ZFHX3: variants seen among roughly 807,000 people sequenced by gnomAD.
ZFHX3 encodes zinc finger homeobox 3, also known as zinc finger homeobox protein 3.
A neutral mutation model predicts 279.1 loss-of-function variants in ZFHX3; 42 were observed. The observed-to-expected ratio is 0.15, with a 90% confidence interval of 0.12 to 0.19. ZFHX3 has a LOEUF of 0.19. Ranked by LOEUF, ZFHX3 falls within the 10% of genes least tolerant of loss-of-function variation. The pLI is 1.00. For missense variants in ZFHX3, 4,981 were observed against 4,754.0 expected (o/e 1.05, Z -1.40); for synonymous variants, 2,293 against 1,957.8 (o/e 1.17, Z -4.52).
chr16:73,314,685 G>T (rs1438448949), intron 4 of ZFHX3, among the ~76,000 whole-genome samples: 1 of 152,180 alleles, frequency 6.6e-6, no homozygotes, highest in Non-Finnish European at 1.5e-5. Context: ...ACATCCCTGA[G>T]CTGCTCCTCC....
chr16:73,357,955 G>C (rs2016372143), intron 3 of ZFHX3, among the ~76,000 whole-genome samples: 1 of 152,124 alleles, frequency 6.6e-6, no homozygotes, highest in Non-Finnish European at 1.5e-5. Flanking sequence ...GCAACGTCTG[G>C]ATCTCTCCCT....
At chr16:73,368,556 G>T (rs1198827121) in intron 3 of ZFHX3, among the ~76,000 whole-genome samples, 1 of 152,184 alleles carries the variant, frequency 6.6e-6, no homozygotes, top group African/African-American at 2.4e-5. Flanking sequence ...AAATGCTAAA[G>T]TGGGAAAGAT....
intron 1 of ZFHX3, among the ~76,000 whole-genome samples, chr16:73,881,667 G>T (rs1280064164): frequency 6.6e-6 from 1 of 150,818 alleles, no homozygotes; most frequent in Non-Finnish European, 1.5e-5. Context: ...CCACTACTTA[G>T]TTGGTGCTAT....
chr16:73,106,237 G>A (rs1419009707), intron 7 of ZFHX3, among the ~76,000 whole-genome samples: 1 of 152,000 alleles, frequency 6.6e-6, no homozygotes, highest in Non-Finnish European at 1.5e-5. Context: ...GCCCACTGCT[G>A]GGTCCTAGGT....
chr16:73,183,063 G>T (rs935343388), intron 5 of ZFHX3, among the ~76,000 whole-genome samples: 4 of 152,088 alleles, frequency 2.6e-5, no homozygotes, highest in Non-Finnish European at 5.9e-5. Context: ...AATTTAGCGG[G>T]GTGTGGTGGT....
intron 2 of ZFHX3, among the ~76,000 whole-genome samples, chr16:73,612,574 T>C (rs2052258276): frequency 6.6e-6 from 1 of 152,172 alleles, no homozygotes; most frequent in East Asian, 1.9e-4. Flanking sequence ...ATACTTAAAA[T>C]GGGTGAAATG....
chr16:73,847,770 C>G (rs1961485299), intron 1 of ZFHX3, among the ~76,000 whole-genome samples: 1 of 151,998 alleles, frequency 6.6e-6, no homozygotes, highest in Non-Finnish European at 1.5e-5. Context: ...TGGAGTCTCC[C>G]TCTATTGCCC....
chr16:73,088,172 G>T (rs376174492), intron 8 of ZFHX3, among the ~76,000 whole-genome samples: 6 of 150,842 alleles, frequency 4.0e-5, no homozygotes, highest in African/African-American at 1.5e-4. Context: ...TTGAGAGAGG[G>T]TCTCCCTCTG....
chr16:72,933,895 T>C lies in ZFHX3; in HGVS notation c.3216+16574A>G, dbSNP rs571050855. On this transcript the variant is annotated intron_variant, in intron 3 of 9. Coordinates refer to ENST00000268489, the MANE Select transcript of ZFHX3 (RefSeq NM_006885.4). ...GTGCAGTGTCGCGATCTCGGCTCACTGCAAGCTCTGCCTCCCGGGTTCATG... is the reference window on the plus strand; with the variant it reads ...GTGCAGTGTCGCGATCTCGGCTCACCGCAAGCTCTGCCTCCCGGGTTCATG... Among the ~76,000 whole-genome samples the C allele has an allele frequency of 6.1e-5, 9 of 146,974 alleles. No homozygotes were observed. In the South Asian group the frequency reaches 1.5e-3, roughly 25 times the overall value.
intron 4 of ZFHX3, among the ~76,000 whole-genome samples, chr16:73,313,906 G>A (rs1430085566): frequency 2.6e-5 from 4 of 152,146 alleles, no homozygotes; most frequent in South Asian, 2.1e-4. Context: ...TCAGGAGTTC[G>A]AGACCAGCTT....
At chr16:72,994,197 G>C (rs749066348) in intron 1 of ZFHX3, among the ~76,000 whole-genome samples, 1 of 152,200 alleles carries the variant, frequency 6.6e-6, no homozygotes, top group South Asian at 2.1e-4. Flanking sequence ...GAAAATACAA[G>C]TGAATTTTGC....
intron 1 of ZFHX3, among the ~76,000 whole-genome samples, chr16:73,025,074 G>A (rs1328704235): frequency 6.6e-6 from 1 of 152,200 alleles, no homozygotes; most frequent in Non-Finnish European, 1.5e-5. Context: ...AGAGGAGAAA[G>A]TTCCCACATG....
Position 72,788,140 on chromosome 16 carries a change from T to G in ZFHX3, c.10136A>C (p.Gln3379Pro). The G allele has an allele frequency of 6.2e-7, 1 of 1,611,144 alleles. No homozygotes were observed. The highest frequency in any genetic ancestry group is 8.5e-7 in the Non-Finnish European group (1 of 1,179,252). Residue 3379 changes from glutamine to proline, a missense_variant, in exon 10 of 10, where the codon CAG (glutamine) becomes CCG (proline). This residue lies in a region of ZFHX3 where 1,034 missense variants were observed against 786.0 expected (regional missense o/e 1.32). Coordinates refer to ENST00000268489, the MANE Select transcript of ZFHX3 (RefSeq NM_006885.4). ...QSLQEAIQQQ[Q>P]QRQLQQQQQQ... ...CTGCTGCTGCTGTAGTTGCCGCTGC[T>G]GCTGCTGCTGAATTGCCTCCTGCAG...
At chr16:73,537,519 T>C (rs2019926449) in intron 2 of ZFHX3, among the ~76,000 whole-genome samples, 2 of 152,124 alleles carry the variant, frequency 1.3e-5, no homozygotes, top group Non-Finnish European at 2.9e-5. Context: ...GGTTTCGCCA[T>C]GTTGGCCAGG....
intron 5 of ZFHX3, among the ~76,000 whole-genome samples, chr16:73,211,846 G>A (rs774334844): frequency 1.3e-5 from 2 of 152,014 alleles, no homozygotes; most frequent in African/African-American, 4.8e-5. Context: ...TGGCAGGGAG[G>A]GGGGTGGCAA....
At chr16:72,990,024 C>T (rs1963018923) in intron 1 of ZFHX3, among the ~76,000 whole-genome samples, 1 of 152,144 alleles carries the variant, frequency 6.6e-6, no homozygotes, top group African/African-American at 2.4e-5. Context: ...CTCTCTAGAC[C>T]AACTTTCCCG....
intron 5 of ZFHX3, among the ~76,000 whole-genome samples, chr16:73,171,686 T>G (rs1967528288): frequency 6.6e-6 from 1 of 152,204 alleles, no homozygotes; most frequent in East Asian, 1.9e-4. Flanking sequence ...GGGGGAATGT[T>G]AAGCAGTTCT....
At chr16:72,931,248 T>G (rs546201795) in intron 3 of ZFHX3, among the ~76,000 whole-genome samples, 1 of 152,288 alleles carries the variant, frequency 6.6e-6, no homozygotes, top group South Asian at 2.1e-4. Context: ...TTGGTGAGAT[T>G]TTGTTTCTGT....
At chr16:73,548,947 C>T (rs1321781599) in intron 2 of ZFHX3, among the ~76,000 whole-genome samples, 1 of 152,106 alleles carries the variant, frequency 6.6e-6, no homozygotes, top group African/African-American at 2.4e-5. Flanking sequence ...GGAGACGGCT[C>T]TCAGCAGCTA....
Sources: allele counts gnomAD v4.1 joint callset (sites outside exome capture counted in the v4.1 genomes callset), GRCh38; gene constraint gnomAD v4.1.1; regional missense constraint gnomAD v4.1.1; transcripts MANE v1.5; gene names NCBI Gene and HGNC (gene_info 2026-07-23, HGNC 2026-07-21).